The following ZNF679 variants were observed in gnomAD, a reference collection of about 807,000 sequenced individuals.
The protein encoded by ZNF679 is hypothetical protein MGC42415.
ZNF679 carries 10 observed loss-of-function variants against 13.4 expected under a neutral mutation model. That is an observed-to-expected ratio of 0.75 (90% CI 0.46 to 1.27). The LOEUF is 1.27. ZNF679 is among the 50% of genes most tolerant of loss of function. The pLI is 0.00. For missense variants in ZNF679, 525 were observed against 477.8 expected, an observed-to-expected ratio of 1.10 and a Z score of -0.92; for synonymous variants, 179 against 162.5, an observed-to-expected ratio of 1.10 and a Z score of -0.77.
intron 2 of ZNF679, among the ~76,000 whole-genome samples, chr7:64,254,668 C>T (rs1332744176): frequency 1.3e-5 from 2 of 152,134 alleles, no homozygotes; most frequent in Non-Finnish European, 2.9e-5. Context: ...GATGAGTCCC[C>T]GGGATTTGTG....
At chr7:64,250,485 G>A (rs1216699736) in intron 2 of ZNF679, among the ~76,000 whole-genome samples, 1 of 151,842 alleles carries the variant, frequency 6.6e-6, no homozygotes, top group Non-Finnish European at 1.5e-5. Flanking sequence ...GGACAGGCTG[G>A]TCTCAAACTC....
chr7:64,240,198 A>G (rs1382965017), intron 1 of ZNF679, among the ~76,000 whole-genome samples: 3 of 152,110 alleles, frequency 2.0e-5, no homozygotes, highest in East Asian at 3.9e-4. Context: ...CACTTGGCCA[A>G]TCATAAAAGT....
Position 64,260,238 on chromosome 7 carries a change from A to G in ZNF679, c.57A>G (p.Arg19=). The G allele has an allele frequency of 6.2e-7, 1 of 1,607,006 alleles. No individual in the cohort carries two copies. Among genetic ancestry groups the G allele is most frequent in the Non-Finnish European group, 8.5e-7 (1 of 1,178,278 alleles). ...GSREMGLLTF[R]DVVIEFSLEE... ...TTTTTCAGGGACTGTTGACATTCAG[A>G]GATGTAGTCATAGAATTCTCTCTGG... Residue 19 remains arginine (R), a synonymous_variant, in exon 3 of 5, where the codon AGA becomes AGG. Transcript: ENST00000421025.
At chr7:64,234,760 G>T (rs941336383) in intron 1 of ZNF679, among the ~76,000 whole-genome samples, 2 of 152,132 alleles carry the variant, frequency 1.3e-5, no homozygotes, top group African/African-American at 4.8e-5. Context: ...TTGTTATGGA[G>T]CAATAGAAGA....
intron 4 of ZNF679, among the ~76,000 whole-genome samples, chr7:64,263,593 A>G (rs1740407798): frequency 6.6e-6 from 1 of 152,162 alleles, no homozygotes; most frequent in Non-Finnish European, 1.5e-5. Flanking sequence ...ATGACTTGGT[A>G]CAATCCCCTT....
intron 2 of ZNF679, among the ~76,000 whole-genome samples, chr7:64,255,255 T>C (rs1311061674): frequency 6.6e-6 from 1 of 152,160 alleles, no homozygotes; most frequent in African/African-American, 2.4e-5. Flanking sequence ...CTTTCACCGC[T>C]ACCACCACAT....
At chr7:64,229,748 A>G (rs896097737) in intron 1 of ZNF679, among the ~76,000 whole-genome samples, 1 of 152,182 alleles carries the variant, frequency 6.6e-6, no homozygotes, top group African/African-American at 2.4e-5. Context: ...TGCTGGGTCT[A>G]TGTATGAGAG....
rs1341485776 is a variant in ZNF679 at position 64,260,889 on chromosome 7, T to C, written c.222T>C (p.Pro74=). 7 of 1,612,388 alleles carry C rather than the reference T, an allele frequency of 4.3e-6. No homozygotes were observed. Among genetic ancestry groups the C allele is most frequent in the Non-Finnish European group, 5.1e-6 (6 of 1,179,582 alleles). ...CCTGTCTGGAGCAAAATAAAGAGCCTTGGAATATAAAGAGAAATGAGATGG... is the reference window on the plus strand; with the variant it reads ...CCTGTCTGGAGCAAAATAAAGAGCCCTGGAATATAAAGAGAAATGAGATGG... ...LITCLEQNKE[P]WNIKRNEMVT... The change falls in exon 4 of 5, where the codon CCT becomes CCC. Residue 74 remains proline, a synonymous_variant. Coordinates refer to ENST00000421025, the MANE Select transcript of ZNF679 (RefSeq NM_153363.3).
intron 4 of ZNF679, among the ~76,000 whole-genome samples, chr7:64,261,135 C>T (rs1279147383): frequency 6.6e-6 from 1 of 152,112 alleles, no homozygotes; most frequent in Non-Finnish European, 1.5e-5. Flanking sequence ...ACTTTCGCTT[C>T]AGTAATCTTT....
At chr7:64,248,549 G>GT (rs1318367936) in intron 1 of ZNF679, among the ~76,000 whole-genome samples, 13 of 152,118 alleles carry the variant, frequency 8.5e-5, no homozygotes, top group Admixed American at 3.3e-4. Flanking sequence ...CAAAGTGCTG[G>GT]GATTACAGGC....
intron 2 of ZNF679, among the ~76,000 whole-genome samples, chr7:64,252,213 T>C (rs1787952613): frequency 6.6e-6 from 1 of 152,150 alleles, no homozygotes; most frequent in Non-Finnish European, 1.5e-5. Flanking sequence ...ATAGTTTGAC[T>C]TGACACATGA....
intron 1 of ZNF679, among the ~76,000 whole-genome samples, chr7:64,238,393 A>T (rs1348911342): frequency 6.6e-6 from 1 of 151,948 alleles, no homozygotes; most frequent in Non-Finnish European, 1.5e-5. Context: ...CCATTGCAAC[A>T]CTATTAATTT....
Position 64,235,934 on chromosome 7 carries a change from A to G in ZNF679, c.-91+7282A>G, listed in dbSNP as rs555056818. ...AAGATAAGAAGCAGAGAAAGAATTT[A>G]CATATAAAATGTATCTAAATAAAAA... On this transcript the variant is annotated intron_variant, in intron 1 of 4. Coordinates refer to ENST00000421025, the MANE Select transcript of ZNF679 (RefSeq NM_153363.3). Among the ~76,000 whole-genome samples the G allele has an allele frequency of 3.9e-5, 6 of 152,318 alleles. No homozygotes were observed. The East Asian group carries it at 1.2e-3, about 29-fold the overall frequency.
chr7:64,237,622 T>C (rs1381765490), intron 1 of ZNF679, among the ~76,000 whole-genome samples: 1 of 152,148 alleles, frequency 6.6e-6, no homozygotes, highest in Non-Finnish European at 1.5e-5. Flanking sequence ...CAACACCAAC[T>C]GGGTGTTCAA....
chr7:64,264,428 C>T (rs1185138436), intron 4 of ZNF679, among the ~76,000 whole-genome samples: 1 of 151,904 alleles, frequency 6.6e-6, no homozygotes, highest in Non-Finnish European at 1.5e-5. Context: ...AATAATACCA[C>T]AGATTTTTAT....
At chr7:64,258,894 T>TTTTTGTTTTG (rs76767120) in intron 2 of ZNF679, among the ~76,000 whole-genome samples, 43 of 150,912 alleles carry the variant, frequency 2.8e-4, no homozygotes, top group East Asian at 2.0e-3. Flanking sequence ...TTTTTTGTTG[T>TTTTTGTTTTG]TTTTGTTTTG....
At position 64,266,017 on chromosome 7, in the gene ZNF679, T is replaced by C; in HGVS notation, c.384T>C (p.Cys128=). 1.2e-6 allele frequency: 2 copies of C among 1,613,586 alleles called. No homozygotes were observed. Among genetic ancestry groups the C allele is most frequent in the Non-Finnish European group, 1.7e-6 (2 of 1,179,756 alleles). The change falls in exon 5 of 5, where the codon TGT becomes TGC. Residue 128 remains cysteine, a synonymous_variant. Transcript: ENST00000421025. ...SGHDNLQVKT[C]KSMGECEVQK... The stretch of plus-strand genomic sequence containing the variant: ...ATGACAATTTACAAGTAAAAACATG[T>C]AAAAGCATGGGTGAGTGTGAGGTGC...
intron 1 of ZNF679, among the ~76,000 whole-genome samples, chr7:64,235,288 T>C (rs1787693156): frequency 6.9e-6 from 1 of 145,972 alleles, no homozygotes; most frequent in African/African-American, 2.5e-5. Flanking sequence ...AGAAAGTATA[T>C]TGACAAAAAA....
At chr7:64,265,477 C>T (rs748940745) in intron 4 of ZNF679, among the ~76,000 whole-genome samples, 6 of 152,120 alleles carry the variant, frequency 3.9e-5, no homozygotes, top group Non-Finnish European at 7.4e-5. Context: ...CCATTTGATT[C>T]AGCACTTTCT....
Sources: gnomAD v4.1 joint callset for allele counts (sites outside exome capture counted in the v4.1 genomes callset) on GRCh38, gnomAD v4.1.1 for gene constraint, MANE v1.5 for transcripts, NCBI Gene and HGNC (gene_info 2026-07-23, HGNC 2026-07-21) for gene names.